Variants in HEMK2 observed in about 807,000 individuals in gnomAD.
HEMK2 encodes the protein methyltransferase HEMK2.
At chr21:28,683,308 T>C in the HEMK2 span, among the ~76,000 whole-genome samples, 366 of 152,214 alleles carry the variant, frequency 2.4e-3, no homozygotes, top group Middle Eastern at 0.02. Context: ...ATGAACAATA[T>C]TCATAAAGAA....
At chr21:28,756,038 C>T in the HEMK2 span, among the ~76,000 whole-genome samples, 1,054 of 152,298 alleles carry the variant, frequency 6.9e-3, 4 homozygotes, top group Non-Finnish European at 0.012. Context: ...TTCTGATCAT[C>T]GGCACAGTTT....
the HEMK2 span, among the ~76,000 whole-genome samples, chr21:28,814,179 G>A: frequency 6.6e-6 from 1 of 152,132 alleles, no homozygotes; most frequent in African/African-American, 2.4e-5. Context: ...AGAGGTTGCA[G>A]TGAGCCGAGA....
the HEMK2 span, among the ~76,000 whole-genome samples, chr21:28,704,121 T>C: frequency 1.3e-5 from 2 of 152,182 alleles, no homozygotes; most frequent in African/African-American, 4.8e-5. Flanking sequence ...GGAGGTCATG[T>C]TTCTAGCACC....
At chr21:28,824,646 T>TA in the HEMK2 span, among the ~76,000 whole-genome samples, 9 of 151,980 alleles carry the variant, frequency 5.9e-5, no homozygotes, top group East Asian at 1.2e-3. Context: ...TTCCCAGAAA[T>TA]AAAAAAAGAG....
At chr21:28,699,327 T>C in the HEMK2 span, among the ~76,000 whole-genome samples, 2 of 152,148 alleles carry the variant, frequency 1.3e-5, no homozygotes, top group African/African-American at 2.4e-5. Context: ...ACAGTTTTGG[T>C]GTGTGGTGAG....
the HEMK2 span, among the ~76,000 whole-genome samples, chr21:28,649,303 A>T: frequency 6.6e-6 from 1 of 152,168 alleles, no homozygotes; most frequent in Non-Finnish European, 1.5e-5. Flanking sequence ...ACCCATCTAG[A>T]AGGAAAGAAT....
At chr21:28,661,039 TA>T in the HEMK2 span, among the ~76,000 whole-genome samples, 1 of 152,118 alleles carries the variant, frequency 6.6e-6, no homozygotes, top group Non-Finnish European at 1.5e-5. Context: ...AAAAATATCT[TA>T]CCTTTCTCAT....
chr21:28,797,073 T>C, the HEMK2 span, among the ~76,000 whole-genome samples: 2 of 152,206 alleles, frequency 1.3e-5, no homozygotes, highest in Non-Finnish European at 2.9e-5. Flanking sequence ...TGGGTCTTTC[T>C]CCCAATAGAG....
At chr21:28,869,877 C>G in the HEMK2 span, among the ~76,000 whole-genome samples, 67 of 152,296 alleles carry the variant, frequency 4.4e-4, no homozygotes, top group African/African-American at 1.5e-3. Flanking sequence ...GCCCAGTTCA[C>G]ATGAATTTAA....
the HEMK2 span, among the ~76,000 whole-genome samples, chr21:28,611,972 C>T: frequency 1.3e-5 from 2 of 150,026 alleles, no homozygotes; most frequent in East Asian, 3.9e-4. Context: ...GAATTCACAG[C>T]TAAATTCTAT....
At chr21:28,777,066 T>G in the HEMK2 span, among the ~76,000 whole-genome samples, 1 of 152,194 alleles carries the variant, frequency 6.6e-6, no homozygotes, top group Admixed American at 6.5e-5. Flanking sequence ...ATTGAACATG[T>G]TTTTCACTAA....
chr21:28,785,054 C>T, the HEMK2 span, among the ~76,000 whole-genome samples: 1 of 152,110 alleles, frequency 6.6e-6, no homozygotes. Flanking sequence ...AGATGCGCTG[C>T]CTTAAGAGCT....
the HEMK2 span, among the ~76,000 whole-genome samples, chr21:28,877,163 A>G: frequency 7.2e-6 from 1 of 138,030 alleles, no homozygotes; most frequent in African/African-American, 2.8e-5. Flanking sequence ...AAAGAAAGAG[A>G]AAGAAAGAAA....
chr21:28,880,947 A>AAAAAG, the HEMK2 span, among the ~76,000 whole-genome samples: 1 of 149,984 alleles, frequency 6.7e-6, no homozygotes, highest in South Asian at 2.1e-4. Flanking sequence ...AAAAAAAAAA[A>AAAAAG]AAAAACCGGA....
the HEMK2 span, among the ~76,000 whole-genome samples, chr21:28,628,167 T>G: frequency 6.6e-6 from 1 of 151,760 alleles, no homozygotes; most frequent in African/African-American, 2.4e-5. Context: ...CTAGTAACAA[T>G]AGCATATGTA....
At chr21:28,837,416 G>C in the HEMK2 span, among the ~76,000 whole-genome samples, 1 of 152,176 alleles carries the variant, frequency 6.6e-6, no homozygotes, top group Admixed American at 6.5e-5. Context: ...CAAACACATG[G>C]AAATTAAATA....
At chr21:28,584,639 A>G in the HEMK2 span, among the ~76,000 whole-genome samples, 1 of 152,152 alleles carries the variant, frequency 6.6e-6, no homozygotes, top group Non-Finnish European at 1.5e-5. Flanking sequence ...CACTCTCAGG[A>G]TGTCAAAAGG....
the HEMK2 span, among the ~76,000 whole-genome samples, chr21:28,735,513 C>G: frequency 3.3e-5 from 5 of 152,110 alleles, no homozygotes; most frequent in African/African-American, 1.2e-4. Context: ...CAGGGTATGT[C>G]AAGTTCTTCC....
chr21:28,875,109 G>A, the HEMK2 span: 1 of 152,452 alleles, frequency 6.6e-6, no homozygotes, highest in African/African-American at 2.4e-5. Context: ...CTGGAAGAGA[G>A]AAGGCAGGTA....
Sources: gnomAD v4.1 joint callset for allele counts (sites outside exome capture counted in the v4.1 genomes callset) on GRCh38, gnomAD v4.1.1 for gene constraint, MANE v1.5 for transcripts, NCBI Gene and HGNC (gene_info 2026-07-23, HGNC 2026-07-21) for gene names.